Variants in PARD3B observed in about 807,000 individuals in gnomAD.
The protein encoded by PARD3B is par-3 family cell polarity regulator beta.
In PARD3B, 103 loss-of-function variants were observed where a neutral mutation model predicts 130.2. The ratio of observed to expected loss-of-function variants is 0.79; its 90% CI spans 0.67 to 0.93. The LOEUF is 0.93. Ranked by LOEUF, PARD3B falls within the 40% of genes least tolerant of loss-of-function variation. PARD3B has a pLI of 0.00. For synonymous variants in PARD3B, 583 were observed against 553.2 expected (o/e 1.05, Z -0.76); for missense variants, 1,609 against 1,499.2 (o/e 1.07, Z -1.21).
At chr2:205,169,771 C>G (rs532870658) in intron 11 of PARD3B, among the ~76,000 whole-genome samples, 1 of 152,148 alleles carries the variant, frequency 6.6e-6, no homozygotes, top group Non-Finnish European at 1.5e-5. Flanking sequence ...TCTTTAAAAA[C>G]CACACATCAG....
At chr2:205,347,385 G>T (rs1307822601) in intron 18 of PARD3B, among the ~76,000 whole-genome samples, 1 of 152,142 alleles carries the variant, frequency 6.6e-6, no homozygotes, top group Non-Finnish European at 1.5e-5. Flanking sequence ...CCTGAATTAA[G>T]TATAACCTGT....
chr2:205,054,466 T>A (rs1699505546), intron 4 of PARD3B, among the ~76,000 whole-genome samples: 1 of 126,776 alleles, frequency 7.9e-6, no homozygotes, highest in Non-Finnish European at 1.7e-5. Context: ...TTAATTATAC[T>A]CTAAGTTTTA....
intron 3 of PARD3B, among the ~76,000 whole-genome samples, chr2:205,033,473 T>C (rs1294480950): frequency 1.3e-5 from 2 of 152,178 alleles, no homozygotes; most frequent in Non-Finnish European, 2.9e-5. Flanking sequence ...TAAGGCTTTC[T>C]GGTAATGTTT....
chr2:205,084,709 GT>G (rs1559421871), intron 4 of PARD3B, among the ~76,000 whole-genome samples: 2 of 151,678 alleles, frequency 1.3e-5, no homozygotes, highest in Admixed American at 6.6e-5. Flanking sequence ...GTTTTTGCTC[GT>G]TTTTAGGTTT....
chr2:205,440,465 A>T lies in PARD3B; in HGVS notation c.2837A>T (p.Asp946Val). 1 of 1,614,128 alleles carries T rather than the reference A, an allele frequency of 6.2e-7. No individual in the cohort carries two copies. Among genetic ancestry groups the T allele is most frequent in the Non-Finnish European group, 8.5e-7 (1 of 1,179,986 alleles). ...GAIGSVYDMD[D>V]DEMDPNYARV... ...ATTGGATCAGTGTATGATATGGATG[A>T]TGATGAAATGGACCCCAATTATGCC... The change falls in exon 20 of 23, where the codon GAT becomes GTT. Residue 946 changes from aspartate to valine, a missense_variant. Coordinates refer to ENST00000406610, the MANE Select transcript of PARD3B (RefSeq NM_001302769.2). The surrounding 1 kb of genome is among the most constrained non-coding windows in gnomAD (Gnocchi z 4.2).
intron 21 of PARD3B, among the ~76,000 whole-genome samples, chr2:205,514,371 G>A (rs538258902): frequency 1.1e-3 from 167 of 152,220 alleles, no homozygotes; most frequent in Middle Eastern, 3.4e-3. Context: ...CTTCCTATGA[G>A]TTATGATTTT....
At chr2:205,503,821 C>A (rs922795397) in intron 21 of PARD3B, among the ~76,000 whole-genome samples, 1 of 152,004 alleles carries the variant, frequency 6.6e-6, no homozygotes, top group Non-Finnish European at 1.5e-5. Flanking sequence ...GAATGTTCTT[C>A]CATTTGTTTG....
chr2:205,434,398 A>G (rs1367239236), intron 19 of PARD3B, among the ~76,000 whole-genome samples: 1 of 152,206 alleles, frequency 6.6e-6, no homozygotes, highest in African/African-American at 2.4e-5. Context: ...TAATCTGTCA[A>G]CCAAATATTA....
rs139369281 is a variant in PARD3B, at chr2:204,547,152, A to G, written c.120+1033A>G. On this transcript the variant is annotated intron_variant, in intron 1 of 22. Transcript: ENST00000406610. ...TAGTGATGGAAAAACGTAAGTTTTA[A>G]TTTCTTTTAACTTCTTATCGGTTAT... Among the ~76,000 whole-genome samples, 8 of 152,326 alleles carry G rather than the reference A, an allele frequency of 5.3e-5. No individual in the cohort carries two copies. In the East Asian group the frequency reaches 1.5e-3, roughly 29 times the overall value.
At chr2:204,693,331 G>A (rs1262423970) in intron 2 of PARD3B, among the ~76,000 whole-genome samples, 1 of 151,926 alleles carries the variant, frequency 6.6e-6, no homozygotes, top group Non-Finnish European at 1.5e-5. Context: ...TTCCTTACCT[G>A]TCAGCTGTTT....
intron 18 of PARD3B, among the ~76,000 whole-genome samples, chr2:205,369,582 C>A (rs1238209274): frequency 6.6e-6 from 1 of 152,210 alleles, no homozygotes; most frequent in Non-Finnish European, 1.5e-5. Context: ...CAGTCTGGAA[C>A]TATCCTGTAA....
Position 205,345,406 on chromosome 2 carries a change from G to A in PARD3B, c.2630+43705G>A, listed in dbSNP as rs1210836947. Among the ~76,000 whole-genome samples the A allele has an allele frequency of 3.9e-5, 6 of 152,036 alleles. No homozygotes were observed. The East Asian group carries it at 1.2e-3, about 29-fold the overall frequency. On this transcript the variant is annotated intron_variant, in intron 18 of 22. Coordinates refer to ENST00000406610, the MANE Select transcript of PARD3B (RefSeq NM_001302769.2). The stretch of plus-strand genomic sequence containing the variant: ...CTTCTGGGTATAGGAGATATCTCTC[G>A]AATGAGAATTTTATGACCTTCTTCA...
intron 20 of PARD3B, among the ~76,000 whole-genome samples, chr2:205,459,538 G>C (rs1052334121): frequency 6.6e-6 from 1 of 152,240 alleles, no homozygotes. Flanking sequence ...CTTTCAATTT[G>C]AATTTGAATA....
At position 204,943,494 on chromosome 2, in the gene PARD3B, C is replaced by A. The variant is rs1689078210; in HGVS notation, c.223-21658C>A. Reference sequence around the variant, plus strand: ...CCCAAGCAGAACATCTGGTTTACTGCCCCTTGCCCAGTGGTTATATGTGTG... The same window carrying A: ...CCCAAGCAGAACATCTGGTTTACTGACCCTTGCCCAGTGGTTATATGTGTG... On this transcript the variant is annotated intron_variant, in intron 2 of 22. Coordinates refer to ENST00000406610, the MANE Select transcript of PARD3B (RefSeq NM_001302769.2). This position sits in a 1 kb window ranked among gnomAD's most constrained non-coding sequence, Gnocchi z 4.2. Among the ~76,000 whole-genome samples, 1 of 152,198 alleles carries A rather than the reference C, an allele frequency of 6.6e-6. No homozygotes were observed. Among genetic ancestry groups the A allele is most frequent in the South Asian group, 2.1e-4 (1 of 4,818 alleles).
At position 205,125,254 on chromosome 2, in the gene PARD3B, G is replaced by C. The variant is rs559271778; in HGVS notation, c.1306-355G>C. On this transcript the variant is annotated intron_variant, in intron 9 of 22. Transcript: ENST00000406610. The surrounding 1 kb of genome is among the most constrained non-coding windows in gnomAD (Gnocchi z 4.0). ...GCAGAGAAATTTGCCTTGTGATCAT[G>C]GTTCACTCTGCTTGTTGAATTAGGC... 6.6e-6 allele frequency among the ~76,000 whole-genome samples: 1 copy of C among 152,262 alleles called. No homozygotes were observed. Among genetic ancestry groups the C allele is most frequent in the East Asian group, 1.9e-4 (1 of 5,170 alleles).
chr2:205,373,444 A>G (rs1013997416), intron 18 of PARD3B, among the ~76,000 whole-genome samples: 1 of 152,184 alleles, frequency 6.6e-6, no homozygotes, highest in Non-Finnish European at 1.5e-5. Flanking sequence ...CTGTGTTTCT[A>G]TTCATGCCTC....
intron 2 of PARD3B, among the ~76,000 whole-genome samples, chr2:204,771,560 G>A (rs1243762849): frequency 6.6e-6 from 1 of 152,052 alleles, no homozygotes; most frequent in Non-Finnish European, 1.5e-5. Flanking sequence ...AAAACTACCT[G>A]TAGGGTACTA....
Position 205,252,838 on chromosome 2 carries a change from A to ACC in PARD3B, c.2185+7027_2185+7028dup, listed in dbSNP as rs35793665. 4.3e-3 allele frequency among the ~76,000 whole-genome samples: 360 copies of ACC among 83,898 alleles called. 8 individuals carry two copies. Among genetic ancestry groups the ACC allele is most frequent in the East Asian group, 8.2e-3 (19 of 2,320 alleles). 55.0% of individuals were successfully genotyped at this position (83,898 alleles called of 152,430 possible). ...CTTTTGGTTGTAGGAACCTGAAGGG[A>ACC]CCCCCCCCCCCCACCAAAAAAAAAA... On this transcript the variant is annotated intron_variant, in intron 16 of 22. Coordinates refer to ENST00000406610, the MANE Select transcript of PARD3B (RefSeq NM_001302769.2).
chr2:205,196,974 A>G (rs896035940), intron 15 of PARD3B, among the ~76,000 whole-genome samples: 1 of 150,712 alleles, frequency 6.6e-6, no homozygotes, highest in African/African-American at 2.4e-5. Flanking sequence ...GGACTGTACA[A>G]TCAGCTAATC....
Sources: allele counts gnomAD v4.1 joint callset (sites outside exome capture counted in the v4.1 genomes callset), GRCh38; gene constraint gnomAD v4.1.1; non-coding constraint Gnocchi (gnomAD v3.1); transcripts MANE v1.5; gene names NCBI Gene and HGNC (gene_info 2026-07-23, HGNC 2026-07-21).